CCDC85A: variants seen among roughly 807,000 people sequenced by gnomAD.
The protein encoded by CCDC85A is coiled-coil domain-containing protein 85A.
A neutral mutation model predicts 50.2 loss-of-function variants in CCDC85A; 38 were observed. The ratio of observed to expected loss-of-function variants is 0.76; its 90% CI spans 0.58 to 0.99. CCDC85A has a LOEUF of 0.99. Ranked by LOEUF, CCDC85A falls within the 50% of genes least tolerant of loss-of-function variation. The probability of loss-of-function intolerance (pLI) is 0.00; values close to 1 mark genes in which losing one functional copy is unlikely to be tolerated. For synonymous variants in CCDC85A, 366 were observed against 301.4 expected (o/e 1.21, Z -2.22); for missense variants, 820 against 742.0 (o/e 1.11, Z -1.22).
chr2:56,198,699 G>A (rs1443066671), intron 2 of CCDC85A, among the ~76,000 whole-genome samples: 1 of 152,108 alleles, frequency 6.6e-6, no homozygotes, highest in African/African-American at 2.4e-5. Flanking sequence ...ACAGTGTAAG[G>A]TTTTCAACTC....
At chr2:56,203,282 C>T (rs1300484958) in intron 2 of CCDC85A, among the ~76,000 whole-genome samples, 1 of 152,072 alleles carries the variant, frequency 6.6e-6, no homozygotes, top group Non-Finnish European at 1.5e-5. Context: ...CCATGAATAG[C>T]TCCCCCAGTA....
chr2:56,301,767 A>G (rs886805575), intron 2 of CCDC85A, among the ~76,000 whole-genome samples: 5 of 152,124 alleles, frequency 3.3e-5, no homozygotes, highest in African/African-American at 1.2e-4. Context: ...ATGAGAACAC[A>G]TGGACACAGG....
chr2:56,232,008 G>A (rs904173621), intron 2 of CCDC85A, among the ~76,000 whole-genome samples: 1 of 151,954 alleles, frequency 6.6e-6, no homozygotes, highest in African/African-American at 2.4e-5. Flanking sequence ...TGGTTGTTTG[G>A]TGTTACTCCT....
At chr2:56,232,416 C>T (rs1033640309) in intron 2 of CCDC85A, among the ~76,000 whole-genome samples, 2 of 152,164 alleles carry the variant, frequency 1.3e-5, no homozygotes, top group Admixed American at 1.3e-4. Flanking sequence ...ACAAATCTCA[C>T]CTTGAATTGT....
chr2:56,314,473 T>C (rs1672831778), intron 2 of CCDC85A, among the ~76,000 whole-genome samples: 1 of 152,074 alleles, frequency 6.6e-6, no homozygotes, highest in Non-Finnish European at 1.5e-5. Context: ...CCAAAAAGCA[T>C]TTTGTGTTAA....
intron 2 of CCDC85A, among the ~76,000 whole-genome samples, chr2:56,200,379 C>T (rs778076443): frequency 3.3e-5 from 5 of 152,086 alleles, no homozygotes; most frequent in Non-Finnish European, 5.9e-5. Context: ...AAGAATCGTT[C>T]CATGTTCTGA....
rs1187290831 is a variant in CCDC85A at position 56,342,861 on chromosome 2, C to T, written c.1241-18C>T. ...AAGACCTGTGTGTATAATGTGAGTT[C>T]TTTCTTTTTAATTTTAGAATCAACC... On this transcript the variant is annotated intron_variant, in intron 2 of 5. Coordinates refer to ENST00000407595, the MANE Select transcript of CCDC85A (RefSeq NM_001080433.2). 6.5e-7 allele frequency: 1 copy of T among 1,544,196 alleles called. No individual in the cohort carries two copies. Among genetic ancestry groups the T allele is most frequent in the African/African-American group, 1.4e-5 (1 of 73,176 alleles).
rs554748591 is a variant in CCDC85A at position 56,192,279 on chromosome 2, T to C, written c.277-198T>C. 1.3e-3 allele frequency among the ~76,000 whole-genome samples: 203 copies of C among 152,296 alleles called. No individual in the cohort carries two copies. The highest frequency in any genetic ancestry group is 2.2e-3 in the Non-Finnish European group (147 of 68,026). ...ATGACATAATGCAAGTAAAGTATTGTGCAGGGATAGAACTGATACTTAAGT... is the reference window on the plus strand; with the variant it reads ...ATGACATAATGCAAGTAAAGTATTGCGCAGGGATAGAACTGATACTTAAGT... On this transcript the variant is annotated intron_variant, in intron 1 of 5. Transcript: ENST00000407595. The surrounding 1 kb of genome is among the most constrained non-coding windows in gnomAD (Gnocchi z 4.7).
intron 3 of CCDC85A, among the ~76,000 whole-genome samples, chr2:56,345,236 C>T (rs1376420694): frequency 6.6e-6 from 1 of 152,026 alleles, no homozygotes; most frequent in Non-Finnish European, 1.5e-5. Flanking sequence ...TAGGAAAGAT[C>T]ATGTTTTATT....
At chr2:56,234,669 C>G (rs1668927224) in intron 2 of CCDC85A, among the ~76,000 whole-genome samples, 3 of 151,798 alleles carry the variant, frequency 2.0e-5, no homozygotes, top group Non-Finnish European at 4.4e-5. Context: ...ATTTCATTTC[C>G]CTTTCAAATG....
chr2:56,298,171 A>G (rs930727504), intron 2 of CCDC85A, among the ~76,000 whole-genome samples: 5 of 152,162 alleles, frequency 3.3e-5, no homozygotes, highest in African/African-American at 1.2e-4. Context: ...AGGTTTTTTC[A>G]GGTCATTTGA....
intron 2 of CCDC85A, among the ~76,000 whole-genome samples, chr2:56,251,727 A>AT (rs538858833): frequency 0.014 from 1,930 of 140,700 alleles, 29 homozygotes; most frequent in African/African-American, 0.031. Context: ...CCTTTTACTG[A>AT]TTTTTTTTTT....
At chr2:56,334,707 G>T (rs1007049114) in intron 2 of CCDC85A, among the ~76,000 whole-genome samples, 1 of 152,142 alleles carries the variant, frequency 6.6e-6, no homozygotes, top group Non-Finnish European at 1.5e-5. Context: ...CCAATCTTTG[G>T]CATTTCTGAT....
At chr2:56,214,511 T>A (rs1484401818) in intron 2 of CCDC85A, among the ~76,000 whole-genome samples, 1 of 151,994 alleles carries the variant, frequency 6.6e-6, no homozygotes, top group Non-Finnish European at 1.5e-5. Context: ...CGTTTAGGTA[T>A]CTCATTAATT....
rs201081645 is a variant in CCDC85A, at chr2:56,193,194, A to G, written c.994A>G (p.Ser332Gly). ...SGSSPEHARHSGGSPEHLQKH... is the reference protein window; with the variant it reads ...SGSSPEHARHGGGSPEHLQKH... ...GAGCAGCCCTGAACACGCCAGGCAC[A>G]GTGGAGGGAGCCCGGAGCATCTTCA... The change falls in exon 2 of 6, where the codon AGT becomes GGT. Residue 332 changes from serine to glycine, a missense_variant. Ser to Gly is a moderately conservative substitution (Grantham distance 56). Coordinates refer to ENST00000407595, the MANE Select transcript of CCDC85A (RefSeq NM_001080433.2). 1.3e-4 allele frequency: 206 copies of G among 1,612,926 alleles called. No homozygotes were observed. Among genetic ancestry groups the G allele is most frequent in the Non-Finnish European group, 1.7e-4 (197 of 1,179,406 alleles).
chr2:56,291,745 G>C (rs896438668), intron 2 of CCDC85A, among the ~76,000 whole-genome samples: 1 of 147,938 alleles, frequency 6.8e-6, no homozygotes, highest in African/African-American at 2.5e-5. Context: ...TTACATGTTT[G>C]GTTTTTACTC....
At chr2:56,326,458 T>C (rs535734046) in intron 2 of CCDC85A, among the ~76,000 whole-genome samples, 2 of 152,248 alleles carry the variant, frequency 1.3e-5, no homozygotes, top group South Asian at 2.1e-4. Context: ...GAAAAAATGA[T>C]AGAATCCTTG....
At chr2:56,255,028 C>G (rs1341298349) in intron 2 of CCDC85A, among the ~76,000 whole-genome samples, 1 of 152,150 alleles carries the variant, frequency 6.6e-6, no homozygotes, top group Non-Finnish European at 1.5e-5. Context: ...TTCTGGGACA[C>G]CGCTGATGAA....
rs111379963 is a variant in CCDC85A at position 56,244,887 on chromosome 2, G to C, written c.1240+51447G>C. On this transcript the variant is annotated intron_variant, in intron 2 of 5. Coordinates refer to ENST00000407595, the MANE Select transcript of CCDC85A (RefSeq NM_001080433.2). Reference sequence around the variant, plus strand: ...CTGAAAGCTAGGGCCTGGAATGGGGGCCTCACAACTCTGCCGGATTCCCTG... The same window carrying C: ...CTGAAAGCTAGGGCCTGGAATGGGGCCCTCACAACTCTGCCGGATTCCCTG... Among the ~76,000 whole-genome samples, 245 of 152,110 alleles carry C rather than the reference G, an allele frequency of 1.6e-3. 1 individual carries two copies. The highest frequency in any genetic ancestry group is 5.6e-3 in the African/African-American group (234 of 41,522).
Sources: allele counts gnomAD v4.1 joint callset (sites outside exome capture counted in the v4.1 genomes callset), GRCh38; gene constraint gnomAD v4.1.1; non-coding constraint Gnocchi (gnomAD v3.1); transcripts MANE v1.5; gene names NCBI Gene and HGNC (gene_info 2026-07-23, HGNC 2026-07-21).